Variants in DAB2IP observed in about 807,000 individuals in gnomAD.
The protein encoded by DAB2IP is disabled homolog 2-interacting protein.
Under a neutral mutation model 107.2 loss-of-function variants are expected in DAB2IP, and 28 were observed. That is an observed-to-expected ratio of 0.26 (90% CI 0.19 to 0.36). The LOEUF (loss-of-function observed/expected upper bound fraction) is 0.36. DAB2IP is among the 10% of genes least tolerant of loss of function. DAB2IP has a pLI of 1.00. For missense variants in DAB2IP, 1,400 were observed against 1,644.7 expected (o/e 0.85, Z 2.57); for synonymous variants, 755 against 706.4 (o/e 1.07, Z -1.09).
exon 16 of DAB2IP, chr9:121,783,397 G>A (rs1181609282): frequency 1.3e-6 from 2 of 1,575,330 alleles, no homozygotes; most frequent in Non-Finnish European, 1.7e-6. Flanking sequence ...CCAGGGCACA[G>A]TGGTCCTGTA....
chr9:121,627,773 A>G (rs1369618041), intron 1 of DAB2IP, among the ~76,000 whole-genome samples: 1 of 152,216 alleles, frequency 6.6e-6, no homozygotes. Context: ...ATAGAATAAT[A>G]TGATTCTGTT....
intron 1 of DAB2IP, among the ~76,000 whole-genome samples, chr9:121,667,544 G>A (rs1833495976): frequency 6.6e-6 from 1 of 152,002 alleles, no homozygotes; most frequent in Non-Finnish European, 1.5e-5. Flanking sequence ...AGGCTGGAGA[G>A]CAGTGGCGGG....
intron 4 of DAB2IP, among the ~76,000 whole-genome samples, chr9:121,758,249 T>TAG (rs1448732392): frequency 1.3e-5 from 2 of 152,082 alleles, no homozygotes; most frequent in Non-Finnish European, 2.9e-5. Context: ...TGGCAGGAGA[T>TAG]GTCTAAGCTG....
intron 2 of DAB2IP, among the ~76,000 whole-genome samples, chr9:121,694,966 GC>G (rs1049932837): frequency 6.6e-6 from 1 of 152,144 alleles, no homozygotes; most frequent in Non-Finnish European, 1.5e-5. Flanking sequence ...GAGGCAGAGT[GC>G]CCCATCTGGG....
At chr9:121,607,242 G>A (rs1429186679) in intron 1 of DAB2IP, among the ~76,000 whole-genome samples, 1 of 152,152 alleles carries the variant, frequency 6.6e-6, no homozygotes. Flanking sequence ...GGGTACTGGA[G>A]GGAGAGGAGA....
At chr9:121,727,126 A>T (rs1230089141) in intron 3 of DAB2IP, among the ~76,000 whole-genome samples, 2 of 152,144 alleles carry the variant, frequency 1.3e-5, no homozygotes, top group Non-Finnish European at 2.9e-5. Context: ...CTGAGGGGTG[A>T]TACCTTGTGT....
intron 3 of DAB2IP, chr9:121,742,895 A>C: frequency 1.0e-6 from 1 of 985,450 alleles, no homozygotes; most frequent in Non-Finnish European, 1.2e-6. Context: ...TCAAACTGAA[A>C]GCCTGGTGGT....
intron 1 of DAB2IP, among the ~76,000 whole-genome samples, chr9:121,626,242 G>T (rs1294833980): frequency 6.6e-6 from 1 of 151,894 alleles, no homozygotes. Context: ...CTGGCACTGG[G>T]CATCCCTGGA....
chr9:121,663,299 C>G (rs1316677122), intron 1 of DAB2IP, among the ~76,000 whole-genome samples: 1 of 152,154 alleles, frequency 6.6e-6, no homozygotes, highest in Non-Finnish European at 1.5e-5. Flanking sequence ...GGGAGCAAAC[C>G]CTTGCACTGT....
chr9:121,622,854 T>C (rs990568216), intron 1 of DAB2IP, among the ~76,000 whole-genome samples: 2 of 152,124 alleles, frequency 1.3e-5, no homozygotes, highest in Non-Finnish European at 2.9e-5. Flanking sequence ...TGACAAGTAC[T>C]GTGGGGTATA....
chr9:121,621,425 T>C (rs2118994988), intron 1 of DAB2IP, among the ~76,000 whole-genome samples: 1 of 152,252 alleles, frequency 6.6e-6, no homozygotes, highest in East Asian at 1.9e-4. Flanking sequence ...GGAGCTCAGC[T>C]GACTGAACAA....
intron 1 of DAB2IP, among the ~76,000 whole-genome samples, chr9:121,675,152 C>G (rs547940896): frequency 6.6e-6 from 1 of 152,114 alleles, no homozygotes; most frequent in Non-Finnish European, 1.5e-5. Context: ...GTCTGCAGGG[C>G]TGACTGATGT....
At chr9:121,696,999 T>C (rs1026563150) in intron 2 of DAB2IP, among the ~76,000 whole-genome samples, 1 of 152,188 alleles carries the variant, frequency 6.6e-6, no homozygotes, top group African/African-American at 2.4e-5. Context: ...ATGGCTCTCA[T>C]TAAGGTGAAA....
Position 121,782,263 on chromosome 9 carries a change from TGTC to T in DAB2IP, c.3403-65_3403-63del. On this transcript the variant is annotated intron_variant, in intron 15 of 15. Coordinates refer to ENST00000408936, the Ensembl canonical transcript of DAB2IP. The surrounding 1 kb of genome is among the most constrained non-coding windows in gnomAD (Gnocchi z 6.1). ...CCAGGCCACCCCCTTCCCCGATGCT[TGTC>T]GTAGGTATACACAGCCCTAAGGAGC... 6.5e-7 allele frequency: 1 copy of T among 1,544,020 alleles called. No homozygotes were observed. Among genetic ancestry groups the T allele is most frequent in the Non-Finnish European group, 8.8e-7 (1 of 1,138,978 alleles).
chr9:121,691,496 G>A (rs1221880579), intron 2 of DAB2IP, among the ~76,000 whole-genome samples: 2 of 149,478 alleles, frequency 1.3e-5, no homozygotes, highest in African/African-American at 5.0e-5. Flanking sequence ...ACTCCAGCCT[G>A]AGGACAGTGA....
chr9:121,757,799 G>GT (rs1833598348), intron 4 of DAB2IP, among the ~76,000 whole-genome samples: 1 of 150,674 alleles, frequency 6.6e-6, no homozygotes, highest in African/African-American at 2.5e-5. Context: ...TGCTTCTGCA[G>GT]TTATTCATAT....
chr9:121,777,615 G>A (rs1835295734), intron 14 of DAB2IP, among the ~76,000 whole-genome samples: 1 of 152,208 alleles, frequency 6.6e-6, no homozygotes, highest in African/African-American at 2.4e-5. Flanking sequence ...TAATGTAAAT[G>A]TCAGTTAGGT....
In DAB2IP at chr9:121,653,210, TGG is replaced by T. The variant is rs1832827007; in HGVS notation, c.124+1312_124+1313del. 3.5e-4 allele frequency among the ~76,000 whole-genome samples: 17 copies of T among 48,452 alleles called. 1 individual carries two copies. The South Asian group carries it at 0.017, about 49-fold the overall frequency. 31.8% of individuals were successfully genotyped at this position (48,452 alleles called of 152,430 possible). On this transcript the variant is annotated intron_variant, in intron 1 of 15. Coordinates refer to ENST00000408936, the Ensembl canonical transcript of DAB2IP. ...GGAGTACTAAGCCTTTAGTACTCCT[TGG>T]AGGGAGTACTAAGCCTTTAGTACTC...
intron 3 of DAB2IP, among the ~76,000 whole-genome samples, chr9:121,747,857 C>CAAAAA (rs35203556): frequency 3.4e-4 from 43 of 128,076 alleles, no homozygotes; most frequent in African/African-American, 1.2e-3. Context: ...TCCTCCCCCG[C>CAAAAA]AAAAAAAAAA....
Sources: gnomAD v4.1 joint callset for allele counts (sites outside exome capture counted in the v4.1 genomes callset) on GRCh38, gnomAD v4.1.1 for gene constraint, Gnocchi (gnomAD v3.1) non-coding constraint, MANE v1.5 for transcripts, NCBI Gene and HGNC (gene_info 2026-07-23, HGNC 2026-07-21) for gene names.